The following GRM7 variants were observed in gnomAD, a reference collection of about 807,000 sequenced individuals.
The protein encoded by GRM7 is glutamate metabotropic receptor 7.
In GRM7, 35 loss-of-function variants were observed where a neutral mutation model predicts 84.5. That is an observed-to-expected ratio of 0.41 (90% CI 0.32 to 0.55). GRM7 has a LOEUF of 0.55. Ranked by LOEUF, GRM7 falls within the 20% of genes least tolerant of loss-of-function variation. The pLI, the probability that GRM7 is intolerant of heterozygous loss-of-function variation, is 0.19. For missense variants in GRM7, 1,003 were observed against 1,194.6 expected (o/e 0.84, Z 2.36); for synonymous variants, 487 against 455.1 (o/e 1.07, Z -0.89).
At chr3:6,931,272 A>G (rs1559335643) in intron 1 of GRM7, among the ~76,000 whole-genome samples, 1 of 152,166 alleles carries the variant, frequency 6.6e-6, no homozygotes, top group Non-Finnish European at 1.5e-5. Context: ...GGCTTTGTCT[A>G]GCCATAGTGG....
intron 4 of GRM7, among the ~76,000 whole-genome samples, chr3:7,321,797 G>A (rs1700793109): frequency 6.6e-6 from 1 of 152,032 alleles, no homozygotes; most frequent in Non-Finnish European, 1.5e-5. Context: ...GCCAAGTGAA[G>A]CATAGCATAT....
intron 1 of GRM7, among the ~76,000 whole-genome samples, chr3:7,103,965 A>G (rs1056205708): frequency 2.0e-5 from 3 of 151,404 alleles, no homozygotes; most frequent in African/African-American, 7.3e-5. Flanking sequence ...TTAATCATTC[A>G]TTCATTGCAC....
intron 1 of GRM7, among the ~76,000 whole-genome samples, chr3:7,138,671 G>GT (rs1028199988): frequency 3.3e-5 from 5 of 151,334 alleles, no homozygotes; most frequent in East Asian, 3.9e-4. Flanking sequence ...ATAAAGTTTA[G>GT]TTTTTTTTCA....
At chr3:7,267,904 T>A (rs1364969337) in intron 2 of GRM7, among the ~76,000 whole-genome samples, 2 of 152,010 alleles carry the variant, frequency 1.3e-5, no homozygotes, top group African/African-American at 4.8e-5. Flanking sequence ...TATGTTTTTT[T>A]TCAGGAGCCC....
intron 1 of GRM7, among the ~76,000 whole-genome samples, chr3:7,117,193 G>A (rs1015276460): frequency 3.9e-5 from 6 of 152,116 alleles, no homozygotes; most frequent in African/African-American, 1.2e-4. Context: ...GAGCCAGGCC[G>A]TTTAATCTGG....
intron 1 of GRM7, among the ~76,000 whole-genome samples, chr3:7,145,654 G>C (rs1694083930): frequency 6.6e-6 from 1 of 152,080 alleles, no homozygotes; most frequent in Non-Finnish European, 1.5e-5. Context: ...GTCCTAAGAT[G>C]ATCCTTATAG....
intron 4 of GRM7, among the ~76,000 whole-genome samples, chr3:7,307,684 A>G (rs1275499021): frequency 6.6e-6 from 1 of 152,202 alleles, no homozygotes; most frequent in Non-Finnish European, 1.5e-5. Flanking sequence ...ATTCCCCAGT[A>G]CATATCCAGA....
At chr3:7,327,110 T>G (rs1701019466) in intron 4 of GRM7, among the ~76,000 whole-genome samples, 1 of 152,250 alleles carries the variant, frequency 6.6e-6, no homozygotes, top group Admixed American at 6.5e-5. Flanking sequence ...AAAGTGCTTT[T>G]CTGTATTTGC....
At chr3:7,356,761 G>A (rs751971443) in intron 4 of GRM7, among the ~76,000 whole-genome samples, 4 of 152,038 alleles carry the variant, frequency 2.6e-5, no homozygotes, top group Non-Finnish European at 5.9e-5. Flanking sequence ...GGGGTCTCAG[G>A]CCTTTGGCCT....
At chr3:7,393,698 G>C (rs976551690) in intron 4 of GRM7, among the ~76,000 whole-genome samples, 4 of 152,168 alleles carry the variant, frequency 2.6e-5, no homozygotes, top group Admixed American at 2.6e-4. Flanking sequence ...ATGGTTTTAT[G>C]TATGCACACA....
intron 1 of GRM7, among the ~76,000 whole-genome samples, chr3:7,032,851 G>T (rs1477937649): frequency 6.6e-6 from 1 of 152,098 alleles, no homozygotes; most frequent in African/African-American, 2.4e-5. Context: ...GACAAACCTA[G>T]GATTAGAATT....
At chr3:6,893,858 G>T (rs1397631705) in intron 1 of GRM7, 1 of 152,126 alleles carries the variant, frequency 6.6e-6, no homozygotes, top group East Asian at 1.9e-4. Flanking sequence ...AATAAAGTGG[G>T]AAATAAGGTA....
At chr3:7,121,182 C>A (rs1693204187) in intron 1 of GRM7, among the ~76,000 whole-genome samples, 1 of 152,162 alleles carries the variant, frequency 6.6e-6, no homozygotes, top group African/African-American at 2.4e-5. Context: ...TCCAACAACT[C>A]AATGTATCCT....
chr3:7,500,816 T>C (rs886348009), intron 7 of GRM7, among the ~76,000 whole-genome samples: 3 of 152,174 alleles, frequency 2.0e-5, no homozygotes, highest in Non-Finnish European at 4.4e-5. Flanking sequence ...ACATTCACCA[T>C]GTGACAGACG....
At chr3:7,225,357 T>C (rs116663894) in intron 2 of GRM7, among the ~76,000 whole-genome samples, 6,095 of 148,928 alleles carry the variant, frequency 0.041, 431 homozygotes, top group African/African-American at 0.14. Context: ...ATACAATTTC[T>C]TATTTTATCT....
chr3:7,436,619 A>G (rs1697067006), intron 5 of GRM7, among the ~76,000 whole-genome samples: 1 of 152,210 alleles, frequency 6.6e-6, no homozygotes. Context: ...GAATTCTGTC[A>G]TGCTCCTCTG....
chr3:7,075,532 G>T (rs11928429), intron 1 of GRM7, among the ~76,000 whole-genome samples: 57 of 147,818 alleles, frequency 3.9e-4, no homozygotes, highest in African/African-American at 5.3e-4. Flanking sequence ...GTGTGTGTGT[G>T]TGTGTGTGTG....
At chr3:6,915,573 A>C (rs915568279) in intron 1 of GRM7, among the ~76,000 whole-genome samples, 1 of 152,236 alleles carries the variant, frequency 6.6e-6, no homozygotes, top group Non-Finnish European at 1.5e-5. Flanking sequence ...ATGCATACCA[A>C]TGAACCTGCA....
Position 7,060,480 on chromosome 3 carries a change from T to C in GRM7, c.520-85972T>C, listed in dbSNP as rs548774147. ...TCTCTACCTTCCCTTTTCCTCTTTA[T>C]TGACTGCAGTGCAGGGAAATCAGTG... On this transcript the variant is annotated intron_variant, in intron 1 of 9. Transcript: ENST00000357716. Among the ~76,000 whole-genome samples the C allele has an allele frequency of 6.7e-4, 101 of 151,844 alleles. 1 individual carries two copies. Among genetic ancestry groups the C allele is most frequent in the Non-Finnish European group, 2.5e-4 (17 of 67,814 alleles).
Sources: allele counts gnomAD v4.1 joint callset (sites outside exome capture counted in the v4.1 genomes callset), GRCh38; gene constraint gnomAD v4.1.1; transcripts MANE v1.5; gene names NCBI Gene and HGNC (gene_info 2026-07-23, HGNC 2026-07-21).